HECTD4: variants seen among roughly 807,000 people sequenced by gnomAD.
The protein encoded by HECTD4 is probable E3 ubiquitin-protein ligase HECTD4.
A neutral mutation model predicts 471.5 loss-of-function variants in HECTD4; 114 were observed. The observed-to-expected ratio is 0.24, with a 90% CI of 0.21 to 0.28. The LOEUF is 0.28. HECTD4 is among the 10% of genes least tolerant of loss of function. The pLI is 1.00. For synonymous variants in HECTD4, 2,012 were observed against 2,256.0 expected, an observed-to-expected ratio of 0.89 and a Z score of 3.07; for missense variants, 3,866 against 5,651.5, an observed-to-expected ratio of 0.68 and a Z score of 10.13.
chr12:112,295,648 C>CT (rs760636349), intron 7 of HECTD4, among the ~76,000 whole-genome samples: 1 of 142,456 alleles, frequency 7.0e-6, no homozygotes, highest in Non-Finnish European at 1.5e-5. Context: ...CCCTTTTTTT[C>CT]TTTTTTTGAG....
chr12:112,287,262 T>C (rs1397657354), intron 7 of HECTD4, among the ~76,000 whole-genome samples: 1 of 152,214 alleles, frequency 6.6e-6, no homozygotes, highest in Non-Finnish European at 1.5e-5. Context: ...TGCTTCCGTA[T>C]TGTCCCACTT....
Position 112,173,416 on chromosome 12 carries a change from G to A in HECTD4, c.11595-555C>T, listed in dbSNP as rs948274499. On this transcript the variant is annotated intron_variant, in intron 66 of 75. Transcript: ENST00000682272. This position sits in a 1 kb window ranked among gnomAD's most constrained non-coding sequence, Gnocchi z 4.3. The stretch of plus-strand genomic sequence containing the variant: ...TTATTTATTTATTTTTTGAGATGGA[G>A]TCTCGCTCTATCGCCCAGGCTGGAG... Among the ~76,000 whole-genome samples, 3 of 151,574 alleles carry A rather than the reference G, an allele frequency of 2.0e-5. No individual in the cohort carries two copies. Among genetic ancestry groups the A allele is most frequent in the Non-Finnish European group, 4.4e-5 (3 of 67,958 alleles).
At chr12:112,374,425 G>C (rs1228683467) in intron 1 of HECTD4, among the ~76,000 whole-genome samples, 1 of 152,172 alleles carries the variant, frequency 6.6e-6, no homozygotes, top group African/African-American at 2.4e-5. Context: ...CTTTAAACCT[G>C]ACTTTAACTT....
chr12:112,208,656 AT>A, intron 50 of HECTD4, 26 bp from the exon 51 acceptor site: 2 of 1,518,130 alleles, frequency 1.3e-6, no homozygotes, highest in Non-Finnish European at 1.8e-6. Flanking sequence ...AGGACAGCGA[AT>A]TCTAAACAAG....
chr12:112,374,416 T>C (rs2036741455), intron 1 of HECTD4, among the ~76,000 whole-genome samples: 1 of 152,230 alleles, frequency 6.6e-6, no homozygotes, highest in Non-Finnish European at 1.5e-5. Flanking sequence ...AGTTTGACTC[T>C]TTAAACCTGA....
At position 112,195,887 on chromosome 12, in the gene HECTD4, C is replaced by T. The variant is rs139740078; in HGVS notation, c.8568-821G>A. 4.7e-3 allele frequency among the ~76,000 whole-genome samples: 709 copies of T among 152,258 alleles called. 7 individuals are homozygous for T. The highest frequency in any genetic ancestry group is 0.016 in the African/African-American group (647 of 41,548). On this transcript the variant is annotated intron_variant, in intron 55 of 75. Transcript: ENST00000682272. ...GCCTAAGCACGTCTTATGGGCCAGG[C>T]GCAATGGCTTACACCTGTAATTCTA...
At chr12:112,288,482 C>T (rs2034805428) in intron 7 of HECTD4, among the ~76,000 whole-genome samples, 1 of 151,914 alleles carries the variant, frequency 6.6e-6, no homozygotes, top group Non-Finnish European at 1.5e-5. Context: ...ATTAGCCAGG[C>T]ATGGTGGCAT....
intron 6 of HECTD4, among the ~76,000 whole-genome samples, chr12:112,308,477 A>G (rs2035312238): frequency 6.6e-6 from 1 of 151,494 alleles, no homozygotes; most frequent in Non-Finnish European, 1.5e-5. Flanking sequence ...AAAACCAGCT[A>G]GTATTTATAC....
At position 112,209,929 on chromosome 12, in the gene HECTD4, T is replaced by C; in HGVS notation, c.7867+86A>G. 3.6e-6 allele frequency: 4 copies of C among 1,103,042 alleles called. No individual in the cohort carries two copies. In the South Asian group the frequency reaches 5.6e-5, roughly 16 times the overall value. 68.3% of individuals were successfully genotyped at this position (1,103,042 alleles called of 1,614,324 possible). On this transcript the variant is annotated intron_variant, in intron 50 of 75. Coordinates refer to ENST00000682272, the MANE Select transcript of HECTD4 (RefSeq NM_001388303.1). ...TTGCAACTCCTGATTGTAATGAGGA[T>C]GCTCAAGTGCAATGGGTTTATGGAA...
intron 1 of HECTD4, among the ~76,000 whole-genome samples, chr12:112,352,122 T>C (rs953595752): frequency 2.0e-5 from 3 of 152,210 alleles, no homozygotes; most frequent in African/African-American, 7.2e-5. Context: ...TTAAATTTTT[T>C]TGAGACAGGG....
At chr12:112,295,824 T>TACACACACAC (rs368319930) in intron 7 of HECTD4, among the ~76,000 whole-genome samples, 4 of 149,068 alleles carry the variant, frequency 2.7e-5, no homozygotes, top group African/African-American at 1.0e-4. Context: ...TATATATATA[T>TACACACACAC]ACACACACAC....
intron 59 of HECTD4, 103 bp from the exon 60 acceptor site, chr12:112,191,068 G>C (rs2032062706): frequency 1.1e-6 from 1 of 907,284 alleles, no homozygotes; most frequent in Non-Finnish European, 1.6e-6. Context: ...CAGGGCTGGA[G>C]AGCCCACCCA....
At chr12:112,306,304 A>C (rs190590561) in intron 6 of HECTD4, 70 bp from the exon 7 acceptor site, 1 of 1,206,090 alleles carries the variant, frequency 8.3e-7, no homozygotes, top group African/African-American at 1.6e-5. Context: ...TCAGCTCATC[A>C]TTAATGCCAT....
At chr12:112,169,459 A>G in intron 70 of HECTD4, 44 bp downstream of exon 70, 15 of 1,560,884 alleles carry the variant, frequency 9.6e-6, no homozygotes, top group Non-Finnish European at 1.3e-5. Context: ...GCTGGACACT[A>G]AACACAGCTC....
intron 7 of HECTD4, among the ~76,000 whole-genome samples, chr12:112,292,513 T>A (rs1594016501): frequency 1.3e-5 from 2 of 152,218 alleles, no homozygotes; most frequent in East Asian, 3.8e-4. Flanking sequence ...TCACTGTCTT[T>A]TCTATACTGT....
At chr12:112,230,651 C>T in intron 40 of HECTD4, 36 bp downstream of exon 40, 1 of 1,570,604 alleles carries the variant, frequency 6.4e-7, no homozygotes, top group Non-Finnish European at 8.7e-7. Context: ...TAGCTTACTT[C>T]TTATTTTCTC....
chr12:112,323,395 T>G (rs778030999), intron 1 of HECTD4, among the ~76,000 whole-genome samples: 11 of 152,096 alleles, frequency 7.2e-5, no homozygotes, highest in Non-Finnish European at 1.5e-4. Flanking sequence ...ATGAAAAATA[T>G]TCATAGTTTT....
chr12:112,324,953 T>C (rs1200352231), intron 1 of HECTD4, among the ~76,000 whole-genome samples: 1 of 152,194 alleles, frequency 6.6e-6, no homozygotes, highest in Non-Finnish European at 1.5e-5. Flanking sequence ...CATCTACTTA[T>C]GTTATATGAA....
intron 44 of HECTD4, among the ~76,000 whole-genome samples, chr12:112,221,917 G>A (rs2033108251): frequency 6.8e-6 from 1 of 146,682 alleles, no homozygotes; most frequent in Admixed American, 6.8e-5. Flanking sequence ...CCCATGCTCG[G>A]CTGATTTTTC....
Sources: gnomAD v4.1 joint callset for allele counts (sites outside exome capture counted in the v4.1 genomes callset) on GRCh38, gnomAD v4.1.1 for gene constraint, Gnocchi (gnomAD v3.1) non-coding constraint, MANE v1.5 for transcripts, NCBI Gene and HGNC (gene_info 2026-07-23, HGNC 2026-07-21) for gene names.